The following ANTXR1 variants were observed in gnomAD, a reference collection of about 807,000 sequenced individuals.
ANTXR1 encodes anthrax toxin receptor 1.
Under a neutral mutation model 78.1 loss-of-function variants are expected in ANTXR1, and 19 were observed. That is an observed-to-expected ratio of 0.24 (90% CI 0.17 to 0.36). The LOEUF is 0.36. ANTXR1 is among the 10% of genes least tolerant of loss of function. ANTXR1 has a pLI of 1.00. For missense variants in ANTXR1, 518 were observed against 718.6 expected, an observed-to-expected ratio of 0.72 and a Z score of 3.19; for synonymous variants, 273 against 260.5, an observed-to-expected ratio of 1.05 and a Z score of -0.46.
chr2:69,027,435 G>A (rs1007523648), intron 1 of ANTXR1, among the ~76,000 whole-genome samples: 1 of 152,184 alleles, frequency 6.6e-6, no homozygotes, highest in Non-Finnish European at 1.5e-5. Flanking sequence ...TGATGTAACT[G>A]TGTCCAAAAC....
chr2:69,182,514 T>C lies in ANTXR1; in HGVS notation c.1207T>C (p.Ser403Pro). The C allele has an allele frequency of 6.2e-7, 1 of 1,614,148 alleles. No homozygotes were observed. Among genetic ancestry groups the C allele is most frequent in the South Asian group, 1.1e-5 (1 of 91,066 alleles). The change falls in exon 16 of 18, where the codon TCC becomes CCC. Residue 403 changes from serine to proline, a missense_variant. Coordinates refer to ENST00000303714, the MANE Select transcript of ANTXR1 (RefSeq NM_032208.3). The part of the protein sequence containing the change: ...RMEVRWGEKG[S>P]TEEGAKLEKA... The stretch of plus-strand genomic sequence containing the variant: ...TTAGGTTCGTTGGGGAGAAAAGGGC[T>C]CCACAGAAGAAGGTGCTAAGTTGGA...
At chr2:69,196,341 A>G (rs1381330850) in intron 17 of ANTXR1, among the ~76,000 whole-genome samples, 3 of 152,256 alleles carry the variant, frequency 2.0e-5, no homozygotes, top group Non-Finnish European at 2.9e-5. Context: ...CCCTTTCTTT[A>G]TGGAAGTCTT....
intron 10 of ANTXR1, among the ~76,000 whole-genome samples, chr2:69,118,705 G>A (rs760032991): frequency 6.6e-5 from 10 of 152,176 alleles, no homozygotes; most frequent in African/African-American, 1.4e-4. Context: ...ACGCTGCAGC[G>A]AGGCTGGCAC....
intron 14 of ANTXR1, among the ~76,000 whole-genome samples, chr2:69,171,348 T>C (rs1005364520): frequency 3.9e-5 from 6 of 152,244 alleles, no homozygotes; most frequent in Non-Finnish European, 7.3e-5. Flanking sequence ...GGAAATTACA[T>C]TGCTGTGCAA....
In ANTXR1 at chr2:69,045,126, G is replaced by C. The variant is rs190476179; in HGVS notation, c.296+313G>C. 3.3e-5 allele frequency among the ~76,000 whole-genome samples: 5 copies of C among 152,122 alleles called. No homozygotes were observed. The East Asian group carries it at 9.7e-4, about 29-fold the overall frequency. ...AAATGTTGGCAAACCATATTATTGGGGGACTATATTTTCTTTTACTTAAGT... is the reference window on the plus strand; with the variant it reads ...AAATGTTGGCAAACCATATTATTGGCGGACTATATTTTCTTTTACTTAAGT... On this transcript the variant is annotated intron_variant, in intron 3 of 17. Coordinates refer to ENST00000303714, the MANE Select transcript of ANTXR1 (RefSeq NM_032208.3).
At chr2:69,069,152 C>T (rs1168061539) in intron 3 of ANTXR1, among the ~76,000 whole-genome samples, 1 of 152,210 alleles carries the variant, frequency 6.6e-6, no homozygotes, top group African/African-American at 2.4e-5. Context: ...AAGCCACCCT[C>T]ACCCACGGTC....
In ANTXR1 at chr2:69,245,273, T is replaced by C. The variant is rs2104536662; in HGVS notation, c.1483T>C (p.Tyr495His). Residue 495 changes from tyrosine (Y) to histidine (H), a missense_variant, in exon 18 of 18, where the codon TAC (tyrosine) becomes CAC (histidine). Coordinates refer to ENST00000303714, the MANE Select transcript of ANTXR1 (RefSeq NM_032208.3). ...GGTCAAGAACAACCAGCCAGCCAAG[T>C]ACCCACTCAACAACGCCTACCACAC... ...TRVKNNQPAKYPLNNAYHTSS... is the reference protein window; with the variant it reads ...TRVKNNQPAKHPLNNAYHTSS... 1 of 1,613,558 alleles carries C rather than the reference T, an allele frequency of 6.2e-7. No homozygotes were observed. Among genetic ancestry groups the C allele is most frequent in the Non-Finnish European group, 8.5e-7 (1 of 1,179,908 alleles).
At chr2:69,076,345 G>A (rs1021736428) in intron 7 of ANTXR1, among the ~76,000 whole-genome samples, 6 of 152,180 alleles carry the variant, frequency 3.9e-5, no homozygotes, top group Non-Finnish European at 1.5e-5. Context: ...CATGAAAAAC[G>A]CAAAGTATTT....
chr2:69,150,646 C>T (rs1409750693), intron 12 of ANTXR1, among the ~76,000 whole-genome samples: 1 of 133,890 alleles, frequency 7.5e-6, no homozygotes, highest in Non-Finnish European at 1.6e-5. Context: ...TTATGTCTCT[C>T]TCACTCTTGA....
At chr2:69,230,466 GC>G (rs1269258226) in intron 17 of ANTXR1, among the ~76,000 whole-genome samples, 4 of 152,062 alleles carry the variant, frequency 2.6e-5, no homozygotes, top group African/African-American at 9.7e-5. Flanking sequence ...ATTTCATATA[GC>G]CTTAGGACAG....
intron 17 of ANTXR1, among the ~76,000 whole-genome samples, chr2:69,201,892 G>T (rs1333531200): frequency 6.6e-6 from 1 of 152,190 alleles, no homozygotes. Flanking sequence ...CCAGGGGGAA[G>T]CATGAAGGCA....
chr2:69,244,606 T>C (rs1374089148), intron 17 of ANTXR1, among the ~76,000 whole-genome samples: 7 of 152,230 alleles, frequency 4.6e-5, no homozygotes, highest in Admixed American at 2.6e-4. Flanking sequence ...AGGGCCTCCA[T>C]GACAACTCCA....
intron 10 of ANTXR1, among the ~76,000 whole-genome samples, chr2:69,119,004 G>C (rs189472281): frequency 6.6e-6 from 1 of 152,032 alleles, no homozygotes; most frequent in African/African-American, 2.4e-5. Context: ...CAGCCTCAGC[G>C]AAGCCTTTGC....
At chr2:69,118,246 CAA>C (rs61565815) in intron 10 of ANTXR1, among the ~76,000 whole-genome samples, 10 of 94,938 alleles carry the variant, frequency 1.1e-4, no homozygotes, top group Admixed American at 1.2e-4. Context: ...CTTGTCTCTA[CAA>C]AAAAAAAAAA....
intron 17 of ANTXR1, among the ~76,000 whole-genome samples, chr2:69,232,552 T>G (rs1675647693): frequency 6.7e-6 from 1 of 148,550 alleles, no homozygotes. Flanking sequence ...TAAATTACTA[T>G]TCAGTCCAAG....
At chr2:69,017,814 C>G (rs934429447) in intron 1 of ANTXR1, among the ~76,000 whole-genome samples, 3 of 152,150 alleles carry the variant, frequency 2.0e-5, no homozygotes, top group Non-Finnish European at 2.9e-5. Context: ...AAACAGCTAG[C>G]CTCTTTTAAG....
chr2:69,210,208 A>C (rs1163518365), intron 17 of ANTXR1, among the ~76,000 whole-genome samples: 5 of 152,256 alleles, frequency 3.3e-5, no homozygotes, highest in African/African-American at 1.2e-4. Context: ...ATCCAAAAAC[A>C]CTCTGCCCAG....
At chr2:69,190,813 CT>C (rs202080915) in intron 16 of ANTXR1, among the ~76,000 whole-genome samples, 2,651 of 152,276 alleles carry the variant, frequency 0.017, 75 homozygotes, top group African/African-American at 0.058. Flanking sequence ...GGTTTCTGGT[CT>C]TTTGCTATGC....
At chr2:69,224,038 C>T (rs1675384286) in intron 17 of ANTXR1, among the ~76,000 whole-genome samples, 1 of 152,196 alleles carries the variant, frequency 6.6e-6, no homozygotes, top group South Asian at 2.1e-4. Context: ...ATGGCCAGGG[C>T]CCCTGAGTAG....
Sources: gnomAD v4.1 joint callset for allele counts (sites outside exome capture counted in the v4.1 genomes callset) on GRCh38, gnomAD v4.1.1 for gene constraint, MANE v1.5 for transcripts, NCBI Gene and HGNC (gene_info 2026-07-23, HGNC 2026-07-21) for gene names.